Variants in PYGB observed in about 807,000 individuals in gnomAD.
PYGB encodes glycogen phosphorylase B.
Under a neutral mutation model 94.3 loss-of-function variants are expected in PYGB, and 82 were observed. That is an observed-to-expected ratio of 0.87 (90% CI 0.73 to 1.04). PYGB has a LOEUF of 1.04. Ranked by LOEUF, PYGB falls within the 50% of genes least tolerant of loss-of-function variation. The pLI is 0.00. For missense variants in PYGB, 1,132 were observed against 1,158.2 expected, an observed-to-expected ratio of 0.98 and a Z score of 0.33; for synonymous variants, 488 against 479.1, an observed-to-expected ratio of 1.02 and a Z score of -0.24.
chr20:25,250,219 T>A (rs1434732553), intron 1 of PYGB, among the ~76,000 whole-genome samples: 3 of 152,196 alleles, frequency 2.0e-5, no homozygotes, highest in African/African-American at 7.2e-5. Context: ...TCAAGGGCAT[T>A]TCCTTGGAGC....
rs1035541201 is a variant in PYGB at position 25,249,347 on chromosome 20, T to C, written c.243+926T>C. 5.3e-4 allele frequency among the ~76,000 whole-genome samples: 80 copies of C among 152,368 alleles called. 1 individual carries two copies. The highest frequency in any genetic ancestry group is 1.9e-3 in the African/African-American group (79 of 41,590). Reference sequence around the variant, plus strand: ...TTTCAGTTTGATAGGTACATGGTAGTCTTGCACAGCCCCCTGTTGCCAGTT... The same window carrying C: ...TTTCAGTTTGATAGGTACATGGTAGCCTTGCACAGCCCCCTGTTGCCAGTT... On this transcript the variant is annotated intron_variant, in intron 1 of 19. Transcript: ENST00000216962.
intron 2 of PYGB, among the ~76,000 whole-genome samples, chr20:25,267,488 G>C (rs1411416903): frequency 6.6e-6 from 1 of 152,086 alleles, no homozygotes; most frequent in Non-Finnish European, 1.5e-5. Context: ...CAGTTCAGAA[G>C]CCCACTGCAG....
At position 25,284,162 on chromosome 20, in the gene PYGB, C is replaced by T. The variant is rs1479877562; in HGVS notation, c.1679C>T (p.Pro560Leu). 1 of 1,614,078 alleles carries T rather than the reference C, an allele frequency of 6.2e-7. No individual in the cohort carries two copies. Among genetic ancestry groups the T allele is most frequent in the East Asian group, 2.2e-5 (1 of 44,862 alleles). The change falls in exon 14 of 20, where the codon CCC (proline) becomes CTC (leucine). Residue 560 changes from proline (P) to leucine (L), a missense_variant. By Grantham distance (98) the Pro-to-Leu change is moderately conservative. Transcript: ENST00000216962. ...LEKEYKVKIN[P>L]SSMFDVHVKR... Reference sequence around the variant, plus strand: ...AAGGAGTACAAGGTGAAGATCAACCCCTCCTCCATGTTCGATGTGCATGTG... The same window carrying T: ...AAGGAGTACAAGGTGAAGATCAACCTCTCCTCCATGTTCGATGTGCATGTG...
chr20:25,280,223 TTG>T, intron 9 of PYGB, 41 bp from the exon 10 acceptor site: 1 of 1,601,118 alleles, frequency 6.2e-7, no homozygotes, highest in Non-Finnish European at 8.5e-7. Context: ...AGAGAGCTGC[TTG>T]TTTCTAAACA....
At chr20:25,291,767 C>T (rs990357630) in intron 16 of PYGB, among the ~76,000 whole-genome samples, 2 of 152,126 alleles carry the variant, frequency 1.3e-5, no homozygotes, top group African/African-American at 2.4e-5. Context: ...TCGGTGCTGG[C>T]GTCAGGGCCC....
At chr20:25,275,679 A>T (rs1485066194) in intron 5 of PYGB, among the ~76,000 whole-genome samples, 1 of 152,214 alleles carries the variant, frequency 6.6e-6, no homozygotes, top group Non-Finnish European at 1.5e-5. Context: ...GTGGATGAGC[A>T]TGTCAGTGTG....
intron 1 of PYGB, among the ~76,000 whole-genome samples, chr20:25,253,457 GCCTGACCAATATGGTGAAA>G (rs1481490821): frequency 6.6e-6 from 1 of 152,062 alleles, no homozygotes; most frequent in Non-Finnish European, 1.5e-5. Context: ...TTCGAGACCA[GCCTGACCAATATGGTGAAA>G]CCTGGTCTCT....
At chr20:25,285,505 T>C (rs944518356) in intron 14 of PYGB, 6 of 152,096 alleles carry the variant, frequency 3.9e-5, no homozygotes, top group Non-Finnish European at 7.4e-5. Context: ...TCTTCTATTG[T>C]TGGCCTTCAG....
chr20:25,279,806 TG>T, intron 9 of PYGB, among the ~76,000 whole-genome samples: 1 of 152,214 alleles, frequency 6.6e-6, no homozygotes, highest in East Asian at 1.9e-4. Context: ...TCTCTGGTCT[TG>T]GGGTGTGTGC....
At chr20:25,277,891 T>C (rs1157233294) in intron 7 of PYGB, among the ~76,000 whole-genome samples, 1 of 152,262 alleles carries the variant, frequency 6.6e-6, no homozygotes, top group Admixed American at 6.5e-5. Context: ...GAAGATGCCC[T>C]AGTGGGCAGA....
rs903352304 is a variant in PYGB, at chr20:25,296,810, G to C, written c.*288G>C. ...CCCCACCCAGAGTGGGAGTCAGGTG[G>C]AGCCACCTGCTGGGCTCCCCCAGAA... On this transcript the variant is annotated 3_prime_UTR_variant, in exon 20 of 20. Transcript: ENST00000216962. 7 of 423,366 alleles carry C rather than the reference G, an allele frequency of 1.7e-5. No individual in the cohort carries two copies. In the East Asian group the frequency reaches 1.9e-4, roughly 12 times the overall value. The allele number at this position is 423,366 out of a possible 1,614,324, so 26.2% of individuals were successfully genotyped here.
At chr20:25,277,813 T>C (rs1466535937) in intron 7 of PYGB, among the ~76,000 whole-genome samples, 3 of 152,264 alleles carry the variant, frequency 2.0e-5, no homozygotes, top group African/African-American at 7.2e-5. Flanking sequence ...GCAGCCATGT[T>C]CCCCACTGCC....
At chr20:25,260,552 C>T (rs992307780) in intron 2 of PYGB, among the ~76,000 whole-genome samples, 16 of 152,206 alleles carry the variant, frequency 1.1e-4, no homozygotes, top group Non-Finnish European at 5.9e-5. Flanking sequence ...CAGCTCTCAG[C>T]GTGAGTGATG....
intron 4 of PYGB, among the ~76,000 whole-genome samples, chr20:25,273,933 G>A (rs981273475): frequency 6.6e-6 from 1 of 152,132 alleles, no homozygotes; most frequent in Non-Finnish European, 1.5e-5. Context: ...CTGCAGCTTC[G>A]ACCTTGTGGG....
intron 2 of PYGB, among the ~76,000 whole-genome samples, chr20:25,264,214 C>T (rs2092919555): frequency 6.6e-6 from 1 of 152,162 alleles, no homozygotes; most frequent in Admixed American, 6.5e-5. Context: ...AGGCCTTCAA[C>T]AAAATTCAAC....
chr20:25,282,305 TG>T (rs2088375588), intron 12 of PYGB, among the ~76,000 whole-genome samples, 158 bp downstream of exon 12: 2 of 152,182 alleles, frequency 1.3e-5, no homozygotes, highest in Non-Finnish European at 2.9e-5. Flanking sequence ...CCCCTGAACA[TG>T]GGCGCTGAGC....
At position 25,281,203 on chromosome 20, in the gene PYGB, T is replaced by C. The variant is rs2088364313; in HGVS notation, c.1403+91T>C. The stretch of plus-strand genomic sequence containing the variant: ...TCCACCAAACACATGGACCCAGCTA[T>C]ATAGCATACAACCTGTGCCACTAGG... On this transcript the variant is annotated intron_variant, in intron 11 of 19. Transcript: ENST00000216962. The C allele has an allele frequency of 4.0e-6, 6 of 1,503,714 alleles. No homozygotes were observed. In the South Asian group the frequency reaches 7.5e-5, roughly 19 times the overall value. The allele number at this position is 1,503,714 out of a possible 1,614,324, so 93.1% of individuals were successfully genotyped here. A position where few individuals can be genotyped will look rare whatever the true frequency, so the allele number is the denominator to read the frequency against.
chr20:25,260,575 G>A (rs896765617), intron 2 of PYGB, among the ~76,000 whole-genome samples: 1 of 152,230 alleles, frequency 6.6e-6, no homozygotes, highest in Admixed American at 6.5e-5. Context: ...GAAGATGGGT[G>A]ATTTCTGCAT....
At chr20:25,284,436 C>T (rs2088399719) in intron 14 of PYGB, among the ~76,000 whole-genome samples, 185 bp downstream of exon 14, 1 of 152,208 alleles carries the variant, frequency 6.6e-6, no homozygotes, top group Non-Finnish European at 1.5e-5. Context: ...CCATGCCAGG[C>T]CTCACGTGAG....
Sources: allele counts gnomAD v4.1 joint callset (sites outside exome capture counted in the v4.1 genomes callset), GRCh38; gene constraint gnomAD v4.1.1; transcripts MANE v1.5; gene names NCBI Gene and HGNC (gene_info 2026-07-23, HGNC 2026-07-21).